Variants in KCNH1 observed in about 807,000 individuals in gnomAD.
The protein encoded by KCNH1 is potassium voltage-gated channel subfamily H member 1.
In KCNH1, 27 loss-of-function variants were observed where a neutral mutation model predicts 69.2. That is an observed-to-expected ratio of 0.39 (90% CI 0.29 to 0.54). The LOEUF is 0.54. KCNH1 is among the 20% of genes least tolerant of loss of function. The pLI, the probability that KCNH1 is intolerant of heterozygous loss-of-function variation, is 0.68. For synonymous variants in KCNH1, 456 were observed against 487.7 expected (o/e 0.93, Z 0.86); for missense variants, 798 against 1,261.6 (o/e 0.63, Z 5.57).
intron 6 of KCNH1, among the ~76,000 whole-genome samples, chr1:210,997,086 ACT>A (rs1689061786): frequency 6.6e-6 from 1 of 152,184 alleles, no homozygotes; most frequent in Non-Finnish European, 1.5e-5. Flanking sequence ...AAAACTGGAA[ACT>A]CTAAAAAGCA....
At chr1:210,693,320 T>C (rs754422187) in intron 10 of KCNH1, among the ~76,000 whole-genome samples, 20 of 152,168 alleles carry the variant, frequency 1.3e-4, no homozygotes, top group Non-Finnish European at 2.2e-4. Flanking sequence ...CATGGGTACA[T>C]CAGTGTTTCA....
chr1:211,016,421 T>C (rs919448014), intron 6 of KCNH1, among the ~76,000 whole-genome samples: 3 of 152,228 alleles, frequency 2.0e-5, no homozygotes, highest in Admixed American at 6.5e-5. Flanking sequence ...TCCATTACTC[T>C]AAATAGAAAA....
intron 10 of KCNH1, among the ~76,000 whole-genome samples, chr1:210,742,872 C>T (rs1683066873): frequency 1.3e-5 from 2 of 151,874 alleles, no homozygotes; most frequent in Non-Finnish European, 1.5e-5. Flanking sequence ...CGCGCGTGCA[C>T]GTGCATGTGT....
At chr1:211,040,145 C>T (rs563736708) in intron 5 of KCNH1, among the ~76,000 whole-genome samples, 1 of 146,302 alleles carries the variant, frequency 6.8e-6, no homozygotes, top group African/African-American at 2.5e-5. Context: ...GAGCCAAGAT[C>T]GTGCCACTGC....
intron 6 of KCNH1, among the ~76,000 whole-genome samples, chr1:210,946,587 T>C (rs1462859520): frequency 6.6e-6 from 1 of 152,142 alleles, no homozygotes; most frequent in Non-Finnish European, 1.5e-5. Flanking sequence ...CATCTCACAA[T>C]AAACAAGGGA....
chr1:211,062,811 T>G (rs1202348302), intron 5 of KCNH1, among the ~76,000 whole-genome samples: 9 of 152,138 alleles, frequency 5.9e-5, no homozygotes, highest in Non-Finnish European at 1.3e-4. Context: ...CAATAACAAA[T>G]TCTGGTGAGG....
chr1:210,684,013 C>T lies in KCNH1; in HGVS notation c.2238G>A (p.Gln746=). 2 of 1,594,578 alleles carry T rather than the reference C, an allele frequency of 1.3e-6. No homozygotes were observed. Among genetic ancestry groups the T allele is most frequent in the Non-Finnish European group, 1.7e-6 (2 of 1,166,744 alleles). The part of the protein sequence containing the change: ...PVRRLFQRFR[Q]QKEARLAAER... ...CAGCTGCCAGCCTGGCCTCTTTCTG[C>T]TGTCGGAATCTCTGGAAGAGGCGCC... is the stretch of plus-strand genomic sequence containing the variant. The change falls in exon 11 of 11, where the codon CAG becomes CAA. Residue 746 remains glutamine (Q), a synonymous_variant. Coordinates refer to ENST00000271751, the MANE Select transcript of KCNH1 (RefSeq NM_172362.3).
At chr1:211,044,945 T>C (rs1194249981) in intron 5 of KCNH1, among the ~76,000 whole-genome samples, 2 of 150,496 alleles carry the variant, frequency 1.3e-5, no homozygotes, top group African/African-American at 2.4e-5. Flanking sequence ...AAAAGGATGC[T>C]TGCACACACA....
chr1:210,855,760 C>T (rs976053597), intron 7 of KCNH1, among the ~76,000 whole-genome samples: 1 of 152,142 alleles, frequency 6.6e-6, no homozygotes, highest in Non-Finnish European at 1.5e-5. Flanking sequence ...TGGCTTCACA[C>T]ATAGTCAAGG....
chr1:210,732,016 T>C (rs1474159518), intron 10 of KCNH1, among the ~76,000 whole-genome samples: 1 of 152,006 alleles, frequency 6.6e-6, no homozygotes, highest in Admixed American at 6.6e-5. Context: ...CACAGAGGCA[T>C]GCAGGCCCCT....
intron 7 of KCNH1, among the ~76,000 whole-genome samples, chr1:210,902,164 T>C (rs1343580366): frequency 1.3e-5 from 2 of 151,998 alleles, no homozygotes; most frequent in Non-Finnish European, 2.9e-5. Context: ...CCCGCAACCT[T>C]CCCGCCAGGA....
intron 10 of KCNH1, among the ~76,000 whole-genome samples, chr1:210,704,320 C>A (rs570362650): frequency 6.6e-6 from 1 of 152,094 alleles, no homozygotes; most frequent in Non-Finnish European, 1.5e-5. Flanking sequence ...ACAATCGCCA[C>A]GCCTAGAAGA....
At chr1:211,103,213 ACT>A (rs1691293009) in intron 3 of KCNH1, among the ~76,000 whole-genome samples, 2 of 152,210 alleles carry the variant, frequency 1.3e-5, no homozygotes, top group Non-Finnish European at 2.9e-5. Flanking sequence ...TAAGCTAGCA[ACT>A]CACCATATGT....
chr1:211,027,114 G>A (rs1352755111), intron 5 of KCNH1, among the ~76,000 whole-genome samples: 1 of 152,122 alleles, frequency 6.6e-6, no homozygotes, highest in Non-Finnish European at 1.5e-5. Flanking sequence ...ATCAATAGAT[G>A]CCAACACCAA....
At chr1:211,051,731 G>C (rs958054685) in intron 5 of KCNH1, among the ~76,000 whole-genome samples, 1 of 152,246 alleles carries the variant, frequency 6.6e-6, no homozygotes, top group South Asian at 2.1e-4. Flanking sequence ...AGACATTAAA[G>C]GATTTTTAAG....
chr1:210,857,800 A>G (rs1398822177), intron 7 of KCNH1, among the ~76,000 whole-genome samples: 1 of 152,228 alleles, frequency 6.6e-6, no homozygotes, highest in African/African-American at 2.4e-5. Context: ...CTTATTTTTC[A>G]ACTTGCAGTT....
chr1:211,104,603 G>A (rs983051678), intron 2 of KCNH1, among the ~76,000 whole-genome samples: 1 of 152,222 alleles, frequency 6.6e-6, no homozygotes, highest in Middle Eastern at 3.4e-3. Context: ...TGGCACAGGA[G>A]ACTAACAAAA....
chr1:210,962,408 T>C (rs2102357810), intron 6 of KCNH1, among the ~76,000 whole-genome samples: 1 of 152,290 alleles, frequency 6.6e-6, no homozygotes, highest in African/African-American at 2.4e-5. Flanking sequence ...TCTCCTCCTG[T>C]CCCCTGCTAT....
At chr1:210,982,254 T>A (rs1688726381) in intron 6 of KCNH1, among the ~76,000 whole-genome samples, 1 of 151,310 alleles carries the variant, frequency 6.6e-6, no homozygotes, top group South Asian at 2.1e-4. Context: ...TATTATAAAG[T>A]TTTAGGGTAC....
Sources: allele counts gnomAD v4.1 joint callset (sites outside exome capture counted in the v4.1 genomes callset), GRCh38; gene constraint gnomAD v4.1.1; transcripts MANE v1.5; gene names NCBI Gene and HGNC (gene_info 2026-07-23, HGNC 2026-07-21).